The following RNF212 variants were observed in gnomAD, a reference collection of about 807,000 sequenced individuals.
RNF212 encodes ring finger protein 212, also known as probable E3 SUMO-protein ligase RNF212.
A neutral mutation model predicts 34.7 loss-of-function variants in RNF212; 33 were observed. That is an observed-to-expected ratio of 0.95 (90% CI 0.72 to 1.27). The LOEUF is 1.27. Ranked by LOEUF, RNF212 falls within the 50% of genes most tolerant of loss-of-function variation. The pLI is 0.00. For synonymous variants in RNF212, 140 were observed against 136.1 expected (o/e 1.03, Z -0.20); for missense variants, 377 against 362.2 (o/e 1.04, Z -0.33).
chr4:1,078,774 C>G (rs1484642938), intron 8 of RNF212, among the ~76,000 whole-genome samples: 1 of 152,104 alleles, frequency 6.6e-6, no homozygotes, highest in Non-Finnish European at 1.5e-5. Context: ...AACATAGGAC[C>G]AATACAGGGT....
rs1334120256 is a variant in RNF212, at chr4:1,093,392, T to C, written c.247-2554A>G. On this transcript the variant is annotated intron_variant, in intron 3 of 9. Transcript: ENST00000433731. Reference sequence around the variant, plus strand: ...ACATATTGTAACAAATGCCAATATTTATGTTACGTTGATATTAGAGCATAA... The same window carrying C: ...ACATATTGTAACAAATGCCAATATTCATGTTACGTTGATATTAGAGCATAA... 3.6e-6 allele frequency: 5 copies of C among 1,391,464 alleles called. No individual in the cohort carries two copies. The East Asian group carries it at 1.3e-4, about 36-fold the overall frequency. 86.2% of individuals were successfully genotyped at this position (1,391,464 alleles called of 1,614,324 possible).
At chr4:1,093,932 T>C (rs773214671) in intron 3 of RNF212, 4 of 1,536,008 alleles carry the variant, frequency 2.6e-6, no homozygotes. Context: ...TTGGCTTCCA[T>C]GGGTCGAGCC....
intron 3 of RNF212, among the ~76,000 whole-genome samples, chr4:1,092,860 G>A (rs896470447): frequency 3.9e-5 from 6 of 152,320 alleles, no homozygotes; most frequent in Admixed American, 3.9e-4. Context: ...GCGGACTCTC[G>A]CCAAGAGGCC....
At chr4:1,083,650 A>C (rs892644893) in intron 5 of RNF212, among the ~76,000 whole-genome samples, 4 of 151,510 alleles carry the variant, frequency 2.6e-5, no homozygotes, top group African/African-American at 9.7e-5. Flanking sequence ...AAACAAACAA[A>C]CAAACAAACA....
Position 1,108,412 on chromosome 4 carries a change from A to G in RNF212, c.110-8T>C. 2 of 1,449,264 alleles carry G rather than the reference A, an allele frequency of 1.4e-6. No individual in the cohort carries two copies. The highest frequency in any genetic ancestry group is 1.8e-6 in the Non-Finnish European group (2 of 1,087,900). 89.8% of individuals were successfully genotyped at this position (1,449,264 alleles called of 1,614,324 possible). ...AGCATTCATTCTTTTTACCTATAAA[A>G]TAAAAATAGGCTTTATTATATTAGA... On this transcript the variant is annotated splice_region_variant and splice_polypyrimidine_tract_variant and intron_variant, in intron 1 of 9. Coordinates refer to ENST00000433731, the MANE Select transcript of RNF212 (RefSeq NM_001131034.4).
chr4:1,101,931 GTAAC>G (rs1347162409), intron 2 of RNF212, among the ~76,000 whole-genome samples: 1 of 152,160 alleles, frequency 6.6e-6, no homozygotes, highest in Non-Finnish European at 1.5e-5. Flanking sequence ...CACAGAAACT[GTAAC>G]TAAAAACTTG....
chr4:1,106,955 C>A (rs1366438266), intron 2 of RNF212, among the ~76,000 whole-genome samples: 1 of 151,976 alleles, frequency 6.6e-6, no homozygotes, highest in Non-Finnish European at 1.5e-5. Flanking sequence ...AGCGAAAAAC[C>A]GAAAAAATCC....
At chr4:1,073,820 C>A (rs1388472738) in intron 8 of RNF212, 158 bp from the exon 9 acceptor site, 1 of 637,842 alleles carries the variant, frequency 1.6e-6, no homozygotes, top group Non-Finnish European at 2.9e-6. Flanking sequence ...TCTGTGTTCA[C>A]CTCCCGACTC....
At chr4:1,058,690 C>G (rs775385706) in intron 3 of RNF212, among the ~76,000 whole-genome samples, 4 of 152,234 alleles carry the variant, frequency 2.6e-5, no homozygotes, top group Admixed American at 1.3e-4. Context: ...TGTAAGCCAT[C>G]TGAATCATCA....
Position 1,072,879 on chromosome 4 carries a change from A to T in RNF212, c.889T>A (p.Phe297Ile). The T allele has an allele frequency of 1.3e-6, 2 of 1,597,792 alleles. No individual in the cohort carries two copies. Among genetic ancestry groups the T allele is most frequent in the Non-Finnish European group, 1.7e-6 (2 of 1,171,046 alleles). Residue 297 changes from phenylalanine to isoleucine, a missense_variant, in exon 10 of 10, where the codon TTT becomes ATT. Coordinates refer to ENST00000433731, the MANE Select transcript of RNF212 (RefSeq NM_001131034.4). ...AATAGTCACATAAATGCAAATCAAAATGACTTTTTCCTTTCAAATTGGCAA... is the reference window on the plus strand; with the variant it reads ...AATAGTCACATAAATGCAAATCAAATTGACTTTTTCCTTTCAAATTGGCAA... ...PLCQFERKKS[F>I] is the part of the protein sequence containing the mutation.
rs760072313 is a variant in RNF212, at chr4:1,108,378, TA to T, written c.135del (p.Cys45Ter). The T allele has an allele frequency of 1.5e-5, 23 of 1,505,704 alleles. No individual in the cohort carries two copies. Among genetic ancestry groups the T allele is most frequent in the African/African-American group, 1.5e-5 (1 of 68,370 alleles). 93.3% of individuals were successfully genotyped at this position (1,505,704 alleles called of 1,614,324 possible). On this transcript the variant is annotated frameshift_variant, in exon 2 of 10. Coordinates refer to ENST00000433731, the MANE Select transcript of RNF212 (RefSeq NM_001131034.4). LOFTEE classifies it high-confidence loss of function. ...GKGKKNECLICKAPCRTVLLS... is the reference protein window; with the variant it reads ...GKGKKNECLIXKAPCRTVLLS... Reference sequence around the variant, plus strand: ...AGCAAAACTGTACGACAAGGAGCTTTACAAATCAAGCATTCATTCTTTTTAC... The same window carrying T: ...AGCAAAACTGTACGACAAGGAGCTTTCAAATCAAGCATTCATTCTTTTTAC...
chr4:1,097,910 C>A (rs1001063450), intron 2 of RNF212, among the ~76,000 whole-genome samples: 2 of 152,038 alleles, frequency 1.3e-5, no homozygotes, highest in African/African-American at 4.8e-5. Flanking sequence ...ATCAAAAATA[C>A]AAAAGTTACC....
chr4:1,081,141 G>A (rs988039917), intron 7 of RNF212, among the ~76,000 whole-genome samples: 13 of 152,180 alleles, frequency 8.5e-5, no homozygotes, highest in African/African-American at 1.7e-4. Context: ...CCAGTTGAGC[G>A]GGGGGCACGC....
intron 8 of RNF212, 29 bp downstream of exon 8, chr4:1,079,614 G>A (rs776843060): frequency 4.0e-5 from 61 of 1,510,608 alleles, no homozygotes; most frequent in Non-Finnish European, 5.2e-5. Context: ...CTGGTATACA[G>A]AGGAACTCAG....
intron 4 of RNF212, among the ~76,000 whole-genome samples, chr4:1,090,167 G>C (rs1285662658): frequency 6.6e-6 from 1 of 151,016 alleles, no homozygotes; most frequent in Non-Finnish European, 1.5e-5. Flanking sequence ...ATGGGGTGAG[G>C]GGAGAGATGG....
intron 2 of RNF212, 83 bp from the exon 3 acceptor site, chr4:1,096,922 T>G: frequency 4.9e-6 from 5 of 1,012,278 alleles, no homozygotes; most frequent in Non-Finnish European, 6.3e-6. Flanking sequence ...CTTGAAGACC[T>G]AGAATTAGCT....
At chr4:1,079,908 A>G in intron 7 of RNF212, among the ~76,000 whole-genome samples, 1 of 152,258 alleles carries the variant, frequency 6.6e-6, no homozygotes, top group East Asian at 1.9e-4. Flanking sequence ...TCTCCAGGAC[A>G]GAGGCCGCTG....
intron 4 of RNF212, among the ~76,000 whole-genome samples, chr4:1,088,791 T>G (rs1721737060): frequency 1.3e-5 from 2 of 152,132 alleles, no homozygotes; most frequent in Admixed American, 1.3e-4. Context: ...ACTAAAAGGG[T>G]CCAAGGTACA....
At chr4:1,058,465 G>T in intron 3 of RNF212, 1 of 657,186 alleles carries the variant, frequency 1.5e-6, no homozygotes, top group Non-Finnish European at 1.9e-6. Context: ...ACGACGACCA[G>T]GCCAGCCTGC....
Sources: gnomAD v4.1 joint callset for allele counts (sites outside exome capture counted in the v4.1 genomes callset) on GRCh38, gnomAD v4.1.1 for gene constraint, MANE v1.5 for transcripts, NCBI Gene and HGNC (gene_info 2026-07-23, HGNC 2026-07-21) for gene names.